The following TENM1 variants were observed in gnomAD, a reference collection of about 807,000 sequenced individuals.
TENM1 encodes teneurin-1.
Under a neutral mutation model 174.8 loss-of-function variants are expected in TENM1, and 35 were observed. That is an observed-to-expected ratio of 0.20 (90% CI 0.15 to 0.27). The LOEUF (loss-of-function observed/expected upper bound fraction) is 0.27. Among genes scored for constraint, TENM1 ranks in the 10% least tolerant of loss-of-function variants. The pLI is 1.00. For synonymous variants in TENM1, 781 were observed against 798.7 expected, an observed-to-expected ratio of 0.98 and a Z score of 0.37; for missense variants, 1,633 against 2,130.1, an observed-to-expected ratio of 0.77 and a Z score of 4.59.
the TENM1 span, among the ~76,000 whole-genome samples, chrX:125,203,271 G>C: frequency 1.8e-5 from 2 of 112,716 alleles, no homozygotes; most frequent in Admixed American, 1.9e-4. Context: ...GGAGACAGCA[G>C]GACCTGGACC....
intron 4 of TENM1, among the ~76,000 whole-genome samples, chrX:124,717,933 A>T (rs184108384): frequency 2.7e-5 from 3 of 112,426 alleles, no homozygotes; most frequent in Admixed American, 1.9e-4. Context: ...CCTGGTGATT[A>T]TCCATGTACT....
At chrX:125,071,944 G>C in the TENM1 span, among the ~76,000 whole-genome samples, 1 of 110,797 alleles carries the variant, frequency 9.0e-6, no homozygotes, top group Non-Finnish European at 1.9e-5. Context: ...TAAACTATAA[G>C]ATATTAAAAC....
the TENM1 span, among the ~76,000 whole-genome samples, chrX:125,179,208 C>G: frequency 9.0e-6 from 1 of 111,320 alleles, no homozygotes; most frequent in East Asian, 2.8e-4. Flanking sequence ...CTTTCACTTC[C>G]GGAATGTGAA....
intron 23 of TENM1, among the ~76,000 whole-genome samples, chrX:124,432,684 C>T (rs2060794108): frequency 8.9e-6 from 1 of 112,132 alleles, no homozygotes; most frequent in African/African-American, 3.2e-5. Flanking sequence ...CCTCGGCCTC[C>T]CAAAGTGCTA....
chrX:124,532,864 T>A (rs1185567564), intron 15 of TENM1, among the ~76,000 whole-genome samples: 1 of 112,350 alleles, frequency 8.9e-6, no homozygotes, highest in Admixed American at 9.5e-5. Context: ...TCATCCATTT[T>A]TCACGAGAAT....
intron 13 of TENM1, among the ~76,000 whole-genome samples, chrX:124,562,333 CT>C (rs1225001733): frequency 3.6e-5 from 4 of 111,762 alleles, no homozygotes; most frequent in African/African-American, 1.3e-4. Context: ...CATATGGTGC[CT>C]TAGAAATGTG....
At chrX:125,051,775 T>C in the TENM1 span, among the ~76,000 whole-genome samples, 1 of 103,380 alleles carries the variant, frequency 9.7e-6, no homozygotes, top group East Asian at 3.0e-4. Flanking sequence ...ATTCAGGACA[T>C]AGGCATGGGC....
chrX:124,403,890 C>T (rs2060430327), intron 27 of TENM1, among the ~76,000 whole-genome samples: 1 of 111,154 alleles, frequency 9.0e-6, no homozygotes. Flanking sequence ...CCCTGACTCC[C>T]GCCAAAACAC....
At chrX:124,734,180 G>A (rs1040344461) in intron 4 of TENM1, among the ~76,000 whole-genome samples, 1 of 112,132 alleles carries the variant, frequency 8.9e-6, no homozygotes, top group African/African-American at 3.2e-5. Context: ...GGCTGGGCAC[G>A]GTGGCTCACG....
At chrX:124,908,850 T>C (rs1011234439) in intron 1 of TENM1, among the ~76,000 whole-genome samples, 2 of 110,042 alleles carry the variant, frequency 1.8e-5, no homozygotes, top group Admixed American at 1.9e-4. Context: ...AGAAAGGTTG[T>C]TATTATTCCA....
intron 18 of TENM1, among the ~76,000 whole-genome samples, chrX:124,518,792 A>T (rs1479355805): frequency 1.8e-5 from 2 of 111,523 alleles, no homozygotes; most frequent in Non-Finnish European, 3.8e-5. Flanking sequence ...GAACCCGGGG[A>T]AGGAGTCTGG....
At chrX:124,557,389 GT>G (rs199851633) in intron 14 of TENM1, among the ~76,000 whole-genome samples, 1,509 of 106,687 alleles carry the variant, frequency 0.014, 22 homozygotes, top group African/African-American at 0.048. Flanking sequence ...CAAATTTATT[GT>G]TTTTTTTTCC....
chrX:124,705,245 G>A, exon 5 of TENM1: 1 of 1,180,183 alleles, frequency 8.5e-7, no homozygotes. Flanking sequence ...GTTTGAACAG[G>A]AAATGCCTGT....
intron 3 of TENM1, among the ~76,000 whole-genome samples, chrX:124,886,807 G>C (rs978317771): frequency 9.6e-6 from 1 of 104,667 alleles, no homozygotes; most frequent in Admixed American, 1.0e-4. Context: ...AATTCATATG[G>C]GAAAGTGGGC....
rs770975754 is a variant in TENM1 at position 124,529,467 on chromosome X, G to A, written c.2771+397C>T. Among the ~76,000 whole-genome samples the A allele has an allele frequency of 3.6e-5, 4 of 111,797 alleles. No homozygotes were observed. The South Asian group carries it at 1.5e-3, about 42-fold the overall frequency. Reference sequence around the variant, plus strand: ...TTTTTAAAGCTTCTCCATTAATGTGGTGGAATTCTGTACTTTTGGAAGAAA... The same window carrying A: ...TTTTTAAAGCTTCTCCATTAATGTGATGGAATTCTGTACTTTTGGAAGAAA... On this transcript the variant is annotated intron_variant, in intron 16 of 31. Transcript: ENST00000422452.
intron 29 of TENM1, 123 bp downstream of exon 32, chrX:124,385,554 A>C (rs2147591022): frequency 1.6e-6 from 1 of 632,544 alleles, no homozygotes; most frequent in African/African-American, 2.2e-5. Context: ...TAATTTGATA[A>C]GTAAAGTGAA....
chrX:124,906,843 A>C (rs1053830480), intron 1 of TENM1, among the ~76,000 whole-genome samples: 3 of 111,899 alleles, frequency 2.7e-5, no homozygotes, highest in African/African-American at 9.7e-5. Context: ...GCTTCCAGGT[A>C]TGTAAGTATC....
chrX:125,033,279 T>A, the TENM1 span, among the ~76,000 whole-genome samples: 1 of 111,474 alleles, frequency 9.0e-6, no homozygotes, highest in East Asian at 2.8e-4. Context: ...TGTAAACTAT[T>A]TTGTGTCAGG....
intron 19 of TENM1, among the ~76,000 whole-genome samples, chrX:124,497,478 A>C (rs982667225): frequency 1.8e-5 from 2 of 111,260 alleles, no homozygotes; most frequent in Non-Finnish European, 3.8e-5. Context: ...CAGTTTGTCC[A>C]TCTGTGAAGT....
Sources: gnomAD v4.1 joint callset for allele counts (sites outside exome capture counted in the v4.1 genomes callset) on GRCh38, gnomAD v4.1.1 for gene constraint, MANE v1.5 for transcripts, NCBI Gene and HGNC (gene_info 2026-07-23, HGNC 2026-07-21) for gene names.